The following ZNF480 variants were observed in gnomAD, a reference collection of about 807,000 sequenced individuals.
ZNF480 encodes zinc finger protein 480.
Under a neutral mutation model 14.4 loss-of-function variants are expected in ZNF480, and 15 were observed. The ratio of observed to expected loss-of-function variants is 1.04; its 90% confidence interval spans 0.70 to 1.60. The LOEUF (loss-of-function observed/expected upper bound fraction) is 1.60, where lower values mean the gene tolerates loss of function less well. Ranked by LOEUF, ZNF480 falls within the 40% of genes most tolerant of loss-of-function variation. The pLI is 0.00. For synonymous variants in ZNF480, 218 were observed against 215.5 expected (o/e 1.01, Z -0.10); for missense variants, 593 against 629.7 (o/e 0.94, Z 0.62).
chr19:52,312,472 TA>T (rs1383871606), intron 2 of ZNF480, among the ~76,000 whole-genome samples: 2 of 152,174 alleles, frequency 1.3e-5, no homozygotes, highest in African/African-American at 4.8e-5. Flanking sequence ...AATGACCTTT[TA>T]TGAAGGTCCA....
In ZNF480 at chr19:52,321,857, T is replaced by C. The variant is rs1304483488; in HGVS notation, c.607T>C (p.Tyr203His). 1 of 1,614,036 alleles carries C rather than the reference T, an allele frequency of 6.2e-7. No individual in the cohort carries two copies. Among genetic ancestry groups the C allele is most frequent in the African/African-American group, 1.3e-5 (1 of 74,932 alleles). ...EQKVHLREKP[Y>H]ECNEHSKVFR... ...GAAAGTACACCTTAGAGAAAAACCT[T>C]ATGAATGTAATGAGCATAGCAAAGT... Residue 203 changes from tyrosine (Y) to histidine (H), a missense_variant, in exon 5 of 5, where the codon TAT (tyrosine) becomes CAT (histidine). By Grantham distance (83) the Tyr-to-His change is moderately conservative (BLOSUM62 2). Transcript: ENST00000595962.
chr19:52,309,760 T>C (rs1374726358), intron 2 of ZNF480, among the ~76,000 whole-genome samples: 3 of 152,244 alleles, frequency 2.0e-5, no homozygotes, highest in Admixed American at 2.0e-4. Context: ...GAGTGGCTTC[T>C]GGATTTCTCA....
chr19:52,298,499 C>A (rs150161944), intron 1 of ZNF480, among the ~76,000 whole-genome samples: 1 of 151,932 alleles, frequency 6.6e-6, no homozygotes, highest in African/African-American at 2.4e-5. Flanking sequence ...CGGGCGTCAG[C>A]GCGCGCGTGT....
intron 4 of ZNF480, among the ~76,000 whole-genome samples, chr19:52,319,066 G>A (rs1046899198): frequency 1.3e-4 from 20 of 152,004 alleles, no homozygotes; most frequent in Admixed American, 9.8e-4. Flanking sequence ...GTTTCACCAC[G>A]TTAGTCAGTC....
chr19:52,321,781 C>T lies in ZNF480; in HGVS notation c.531C>T (p.Pro177=). ...AAATGTCTTCCAGTGTCAAAACCCC[C>T]ATTTTTAATAGGAATGATTTTGATG... ...LQEMSSSVKT[P]IFNRNDFDDS... Residue 177 remains proline, a synonymous_variant, in exon 5 of 5, where the codon CCC becomes CCT. Coordinates refer to ENST00000595962, the MANE Select transcript of ZNF480 (RefSeq NM_144684.4). The T allele has an allele frequency of 3.1e-6, 5 of 1,613,550 alleles. No individual in the cohort carries two copies. Among genetic ancestry groups the T allele is most frequent in the Non-Finnish European group, 4.2e-6 (5 of 1,179,696 alleles).
chr19:52,303,901 G>A (rs1053137681), intron 2 of ZNF480, among the ~76,000 whole-genome samples: 3 of 152,156 alleles, frequency 2.0e-5, no homozygotes, highest in African/African-American at 4.8e-5. Context: ...ATTTACTAAG[G>A]TCCCTAAGTA....
At chr19:52,316,291 A>G (rs1220647917) in intron 4 of ZNF480, among the ~76,000 whole-genome samples, 19 of 149,154 alleles carry the variant, frequency 1.3e-4, no homozygotes, top group African/African-American at 2.5e-5. Context: ...CAGTGGCGCT[A>G]TCTCAGTTCA....
chr19:52,305,896 T>C (rs1167374579), intron 2 of ZNF480, among the ~76,000 whole-genome samples: 1 of 152,210 alleles, frequency 6.6e-6, no homozygotes, highest in Non-Finnish European at 1.5e-5. Flanking sequence ...GTTTTCGTTT[T>C]TTACATTTTG....
Position 52,322,191 on chromosome 19 carries a change from C to T in ZNF480, c.941C>T (p.Pro314Leu). ...RHQRIHAEEK[P>L]YKCNECGKGF... ...CAAAGAATTCATGCTGAAGAGAAACCTTACAAATGTAATGAATGTGGTAAA... is the reference window on the plus strand; with the variant it reads ...CAAAGAATTCATGCTGAAGAGAAACTTTACAAATGTAATGAATGTGGTAAA... Residue 314 changes from proline (P) to leucine (L), a missense_variant, in exon 5 of 5, where the codon CCT becomes CTT. By Grantham distance (98) the Pro-to-Leu change is moderately conservative. Transcript: ENST00000595962. 6.2e-7 allele frequency: 1 copy of T among 1,614,026 alleles called. No homozygotes were observed.
chr19:52,299,640 C>A (rs757350091), intron 1 of ZNF480, among the ~76,000 whole-genome samples: 10 of 152,160 alleles, frequency 6.6e-5, no homozygotes, highest in Non-Finnish European at 1.2e-4. Context: ...GATGGAAGAA[C>A]CCTCCTAGCA....
At position 52,309,814 on chromosome 19, in the gene ZNF480, C is replaced by T. The variant is rs565422892; in HGVS notation, c.73-4339C>T. ...CGTATTCTTGTTTAATTTGTGTCCA[C>T]ATGGATTCAAAATGGTCCGGGGCTT... On this transcript the variant is annotated intron_variant, in intron 2 of 4. Coordinates refer to ENST00000595962, the MANE Select transcript of ZNF480 (RefSeq NM_144684.4). Among the ~76,000 whole-genome samples the T allele has an allele frequency of 5.3e-5, 8 of 152,142 alleles. No homozygotes were observed. In the South Asian group the frequency reaches 1.7e-3, roughly 32 times the overall value.
In ZNF480 at chr19:52,323,915, C is replaced by T. The variant is rs1983968465; in HGVS notation, c.*1057C>T. 6.6e-6 allele frequency: 1 copy of T among 152,112 alleles called. No individual in the cohort carries two copies. Among genetic ancestry groups the T allele is most frequent in the African/African-American group, 2.4e-5 (1 of 41,422 alleles). The allele number at this position is 152,112 out of a possible 1,614,324, so 9.4% of individuals were successfully genotyped here. ...ATGACAGGGATGACCACTCTCACCA[C>T]TCCGATTCAACATAGTACTGGAAGT... On this transcript the variant is annotated 3_prime_UTR_variant, in exon 5 of 5. Transcript: ENST00000595962.
chr19:52,313,137 T>C (rs1298589616), intron 2 of ZNF480, among the ~76,000 whole-genome samples: 3 of 30,230 alleles, frequency 9.9e-5, no homozygotes, highest in African/African-American at 3.1e-4. Flanking sequence ...TCTTTCTCTT[T>C]TTTTTTTTTT....
At chr19:52,316,807 T>C (rs1336589956) in intron 4 of ZNF480, among the ~76,000 whole-genome samples, 1 of 152,232 alleles carries the variant, frequency 6.6e-6, no homozygotes. Flanking sequence ...GTATTTGTCT[T>C]TTTATGACTG....
chr19:52,312,252 C>T (rs962538956), intron 2 of ZNF480, among the ~76,000 whole-genome samples: 2 of 151,950 alleles, frequency 1.3e-5, no homozygotes, highest in African/African-American at 4.8e-5. Context: ...TCTCTGCCTC[C>T]CAGGTTCAAG....
In ZNF480 at chr19:52,322,258, T is replaced by G; in HGVS notation, c.1008T>G (p.Ile336Met). 3 of 1,613,894 alleles carry G rather than the reference T, an allele frequency of 1.9e-6. No homozygotes were observed. Among genetic ancestry groups the G allele is most frequent in the Non-Finnish European group, 2.5e-6 (3 of 1,179,990 alleles). ...HKSSLANHWRIYTGEKPYKCD... is the reference protein window; with the variant it reads ...HKSSLANHWRMYTGEKPYKCD... ...CATCTCTAGCAAATCATTGGAGAAT[T>G]TATACTGGAGAGAAGCCTTACAAAT... Residue 336 changes from isoleucine to methionine, a missense_variant, in exon 5 of 5, where the codon ATT becomes ATG. Ile to Met is a conservative substitution (Grantham distance 10). Coordinates refer to ENST00000595962, the MANE Select transcript of ZNF480 (RefSeq NM_144684.4).
intron 4 of ZNF480, 74 bp from the exon 5 acceptor site, chr19:52,321,505 T>G: frequency 7.9e-7 from 1 of 1,265,144 alleles, no homozygotes; most frequent in Non-Finnish European, 1.1e-6. Flanking sequence ...TGAGGCAGAT[T>G]CTAGTATTTT....
chr19:52,309,001 CCT>C (rs1432212999), intron 2 of ZNF480, among the ~76,000 whole-genome samples: 3 of 152,054 alleles, frequency 2.0e-5, no homozygotes, highest in African/African-American at 2.4e-5. Flanking sequence ...AGCCTTCCAC[CCT>C]CTCTCAGTCT....
intron 4 of ZNF480, among the ~76,000 whole-genome samples, chr19:52,320,685 G>A (rs760865985): frequency 1.3e-5 from 2 of 152,156 alleles, no homozygotes; most frequent in Non-Finnish European, 2.9e-5. Flanking sequence ...CCAGTTACTC[G>A]GGAGGCTGAG....
Sources: allele counts gnomAD v4.1 joint callset (sites outside exome capture counted in the v4.1 genomes callset), GRCh38; gene constraint gnomAD v4.1.1; transcripts MANE v1.5; gene names NCBI Gene and HGNC (gene_info 2026-07-23, HGNC 2026-07-21).